The following TMEM255A variants were observed in gnomAD, a reference collection of about 807,000 sequenced individuals.
The protein encoded by TMEM255A is transmembrane protein 255A, also known as family with sequence similarity 70, member A.
TMEM255A carries 14 observed loss-of-function variants against 23.5 expected under a neutral mutation model. That is an observed-to-expected ratio of 0.60 (90% CI 0.39 to 0.93). TMEM255A has a LOEUF of 0.93. Among genes scored for constraint, TMEM255A ranks in the 40% least tolerant of loss-of-function variants. The pLI, the probability that TMEM255A is intolerant of heterozygous loss-of-function variation, is 0.00. For synonymous variants in TMEM255A, 104 were observed against 100.3 expected, an observed-to-expected ratio of 1.04 and a Z score of -0.22; for missense variants, 233 against 261.7, an observed-to-expected ratio of 0.89 and a Z score of 0.76.
At chrX:120,265,076 C>T (rs982642145) in intron 8 of TMEM255A, among the ~76,000 whole-genome samples, 8 of 110,528 alleles carry the variant, frequency 7.2e-5, no homozygotes, top group South Asian at 3.9e-4. Context: ...GGGGTTTCTC[C>T]GTGTTGGTCA....
intron 1 of TMEM255A, among the ~76,000 whole-genome samples, chrX:120,310,340 GT>G (rs1165216198): frequency 9.2e-6 from 1 of 108,960 alleles, no homozygotes; most frequent in African/African-American, 3.3e-5. Flanking sequence ...GACTGGGTTT[GT>G]TTTTTTTTGT....
intron 6 of TMEM255A, among the ~76,000 whole-genome samples, chrX:120,281,154 G>C (rs2057834466): frequency 8.9e-6 from 1 of 112,347 alleles, no homozygotes; most frequent in Non-Finnish European, 1.9e-5. Context: ...GAGGGCGAGG[G>C]TCGTCTCTTA....
chrX:120,311,411 C>T lies in TMEM255A; in HGVS notation c.-102G>A, dbSNP rs782685391. On this transcript the variant is annotated 5_prime_UTR_variant, in exon 1 of 9. Coordinates refer to ENST00000371369, the MANE Select transcript of TMEM255A (RefSeq NM_001104544.3). Reference sequence around the variant, plus strand: ...CTACTCCGCGGTTGCCTCTCTCGGTCCTTCCGAGAGCTGAGAGACACTGCC... The same window carrying T: ...CTACTCCGCGGTTGCCTCTCTCGGTTCTTCCGAGAGCTGAGAGACACTGCC... 3.8e-4 allele frequency: 257 copies of T among 676,425 alleles called. 1 individual carries two copies. Among genetic ancestry groups the T allele is most frequent in the Non-Finnish European group, 5.1e-4 (217 of 429,045 alleles). 55.7% of individuals were successfully genotyped at this position (676,425 alleles called of 1,213,427 possible). A position where few individuals can be genotyped will look rare whatever the true frequency, so the allele number is the denominator to read the frequency against.
At chrX:120,280,778 C>T (rs1274573516) in intron 6 of TMEM255A, among the ~76,000 whole-genome samples, 1 of 111,568 alleles carries the variant, frequency 9.0e-6, no homozygotes, top group Non-Finnish European at 1.9e-5. Flanking sequence ...GTATACACTC[C>T]AGCCAGGCTG....
At chrX:120,295,097 G>A (rs2057945706) in intron 2 of TMEM255A, among the ~76,000 whole-genome samples, 1 of 112,082 alleles carries the variant, frequency 8.9e-6, no homozygotes, top group Non-Finnish European at 1.9e-5. Context: ...TCTGCCATTA[G>A]AAGACTGAGT....
At chrX:120,305,446 G>A (rs1556026853) in intron 1 of TMEM255A, among the ~76,000 whole-genome samples, 2 of 108,199 alleles carry the variant, frequency 1.8e-5, no homozygotes, top group East Asian at 5.8e-4. Context: ...AAAAAAATAA[G>A]CAAATGAGAA....
intron 4 of TMEM255A, among the ~76,000 whole-genome samples, chrX:120,289,135 G>A (rs1452978184): frequency 1.8e-5 from 2 of 111,793 alleles, no homozygotes; most frequent in East Asian, 5.6e-4. Flanking sequence ...CATTTAAGTT[G>A]GCCAACAGAT....
At chrX:120,276,757 A>G in intron 7 of TMEM255A, 128 bp downstream of exon 7, 2 of 659,757 alleles carry the variant, frequency 3.0e-6, no homozygotes, top group Non-Finnish European at 4.5e-6. Flanking sequence ...GAAGGCAGCT[A>G]CATCCTTGAA....
In TMEM255A at chrX:120,296,753, A is replaced by ATAT. The variant is rs1283395356; in HGVS notation, c.202-2705_202-2703dup. 2.3e-4 allele frequency among the ~76,000 whole-genome samples: 4 copies of ATAT among 17,531 alleles called. 1 individual carries two copies. The highest frequency in any genetic ancestry group is 1.4e-3 in the Admixed American group (1 of 732). 15.2% of individuals were successfully genotyped at this position (17,531 alleles called of 115,157 possible). A position where few individuals can be genotyped will look rare whatever the true frequency, so the allele number is the denominator to read the frequency against. On this transcript the variant is annotated intron_variant, in intron 2 of 8. Coordinates refer to ENST00000371369, the MANE Select transcript of TMEM255A (RefSeq NM_001104544.3). The stretch of plus-strand genomic sequence containing the variant: ...TAAATATATTATATTATATTATATT[A>ATAT]TATATTATATATATTAAATATATTA...
chrX:120,305,938 C>T (rs959978701), intron 1 of TMEM255A, among the ~76,000 whole-genome samples: 1 of 111,667 alleles, frequency 9.0e-6, no homozygotes, highest in Non-Finnish European at 1.9e-5. Context: ...TCTCCCCTGA[C>T]GTCAGCTTCG....
rs921853112 is a variant in TMEM255A, at chrX:120,291,261, G to A, written c.344C>T (p.Ala115Val). ...CCAIVDGVFA[A>V]RHIDLKPLYA... ...CGAAAAAATACTCACAATGTGTCTGGCAGCAAAGACCCCGTCAACTATGGC... is the reference window on the plus strand; with the variant it reads ...CGAAAAAATACTCACAATGTGTCTGACAGCAAAGACCCCGTCAACTATGGC... The change falls in exon 4 of 9, where the codon GCC becomes GTC. Residue 115 changes from alanine to valine, a missense_variant. Physicochemically the swap from Ala to Val is moderately conservative, Grantham distance 64. Transcript: ENST00000371369. The A allele has an allele frequency of 8.3e-7, 1 of 1,207,041 alleles. No homozygotes were observed. The highest frequency in any genetic ancestry group is 2.3e-4 in the Middle Eastern group (1 of 4,351).
At chrX:120,275,312 G>A (rs2057788888) in intron 7 of TMEM255A, among the ~76,000 whole-genome samples, 1 of 111,888 alleles carries the variant, frequency 8.9e-6, no homozygotes. Context: ...AAGAGAGAGT[G>A]CAGATGGGCA....
intron 1 of TMEM255A, among the ~76,000 whole-genome samples, chrX:120,306,116 C>T (rs782411923): frequency 8.9e-6 from 1 of 111,785 alleles, no homozygotes; most frequent in East Asian, 2.8e-4. Flanking sequence ...TGAGACTCAT[C>T]TTTAAAGAGA....
intron 6 of TMEM255A, among the ~76,000 whole-genome samples, chrX:120,281,920 CT>C (rs1468078811): frequency 2.7e-5 from 3 of 111,978 alleles, no homozygotes; most frequent in African/African-American, 9.7e-5. Flanking sequence ...CTCAACACCC[CT>C]GACGTCAAAG....
intron 7 of TMEM255A, 135 bp from the exon 8 acceptor site, chrX:120,268,522 T>C: frequency 2.5e-6 from 1 of 407,924 alleles, no homozygotes; most frequent in Non-Finnish European, 3.9e-6. Flanking sequence ...TTAGAGAAGG[T>C]TGTCCAGGAT....
intron 8 of TMEM255A, among the ~76,000 whole-genome samples, chrX:120,267,606 G>A (rs2057725848): frequency 1.8e-5 from 2 of 112,053 alleles, no homozygotes; most frequent in Non-Finnish European, 3.8e-5. Flanking sequence ...TTTGGGTCTG[G>A]TTTTCTACTA....
downstream of TMEM255A, chrX:120,254,804 A>G: frequency 1.7e-6 from 2 of 1,212,024 alleles, no homozygotes; most frequent in South Asian, 1.8e-5. Context: ...AGAATGAAAT[A>G]CCAAAAACGT....
chrX:120,265,057 A>T (rs782697755), intron 8 of TMEM255A, among the ~76,000 whole-genome samples: 1 of 109,931 alleles, frequency 9.1e-6, no homozygotes, highest in Non-Finnish European at 1.9e-5. Context: ...TTGTATTTTT[A>T]GTAGAGATGG....
In TMEM255A at chrX:120,306,232, A is replaced by T. The variant is rs782227495; in HGVS notation, c.59-1741T>A. On this transcript the variant is annotated intron_variant, in intron 1 of 8. Coordinates refer to ENST00000371369, the MANE Select transcript of TMEM255A (RefSeq NM_001104544.3). ...CTATTAGGGATGCAAATGGGAGCTGACTAATGGTAAACACAGGAGCAAAGC... is the reference window on the plus strand; with the variant it reads ...CTATTAGGGATGCAAATGGGAGCTGTCTAATGGTAAACACAGGAGCAAAGC... 3.3e-3 allele frequency among the ~76,000 whole-genome samples: 372 copies of T among 111,153 alleles called. 4 individuals are homozygous for T. Among genetic ancestry groups the T allele is most frequent in the Non-Finnish European group, 5.8e-3 (305 of 53,003 alleles).
Sources: allele counts gnomAD v4.1 joint callset (sites outside exome capture counted in the v4.1 genomes callset), GRCh38; gene constraint gnomAD v4.1.1; transcripts MANE v1.5; gene names NCBI Gene and HGNC (gene_info 2026-07-23, HGNC 2026-07-21).